Variants in MTUS1 observed in about 807,000 individuals in gnomAD.
MTUS1 encodes the protein microtubule-associated tumor suppressor 1.
In MTUS1, 109 loss-of-function variants were observed where a neutral mutation model predicts 120.8. The ratio of observed to expected loss-of-function variants is 0.90; its 90% confidence interval spans 0.77 to 1.06. MTUS1 has a LOEUF of 1.06. Among genes scored for constraint, MTUS1 ranks in the 50% least tolerant of loss-of-function variants. The pLI is 0.00. For missense variants in MTUS1, 2,210 were observed against 1,486.3 expected, an observed-to-expected ratio of 1.49 and a Z score of -8.01; for synonymous variants, 737 against 550.5, an observed-to-expected ratio of 1.34 and a Z score of -4.74.
intron 4 of MTUS1, chr8:17,716,701 C>T (rs964890568): frequency 1.3e-5 from 2 of 152,398 alleles, no homozygotes; most frequent in Admixed American, 6.5e-5. Context: ...ACTACAGGCG[C>T]CCGCGGCCAC....
chr8:17,656,033 T>C lies in MTUS1; in HGVS notation c.2938A>G (p.Lys980Glu), dbSNP rs751716572. The change falls in exon 9 of 15, where the codon AAA (lysine) becomes GAA (glutamate). Residue 980 changes from lysine (K) to glutamate (E), a missense_variant. Transcript: ENST00000693296. ...ACTGTTTGTAACTCATTCCTGGCTT[T>C]TTCTAATTTCTCACAGGTGGTTGAA... Reference protein sequence around the residue: ...TASTTCEKLEKARNELQTVYE... With the variant: ...TASTTCEKLEEARNELQTVYE... 1 of 1,614,246 alleles carries C rather than the reference T, an allele frequency of 6.2e-7. No individual in the cohort carries two copies. Among genetic ancestry groups the C allele is most frequent in the South Asian group, 1.1e-5 (1 of 91,086 alleles).
At chr8:17,715,997 A>G (rs575865159) in intron 4 of MTUS1, 96 bp from the exon 5 acceptor site, 5 of 1,115,522 alleles carry the variant, frequency 4.5e-6, no homozygotes, top group South Asian at 4.5e-5. Context: ...CAAATGCTCA[A>G]TAAGCACCTA....
At chr8:17,682,569 C>A (rs1452709909) in intron 7 of MTUS1, among the ~76,000 whole-genome samples, 2 of 149,780 alleles carry the variant, frequency 1.3e-5, no homozygotes, top group Non-Finnish European at 3.0e-5. Context: ...GGAAGCTATC[C>A]AGGGTCTGAG....
At chr8:17,696,025 T>C (rs1320974337) in intron 6 of MTUS1, among the ~76,000 whole-genome samples, 1 of 152,196 alleles carries the variant, frequency 6.6e-6, no homozygotes, top group East Asian at 1.9e-4. Flanking sequence ...AAAAGCTATT[T>C]GGAGCTACTT....
intron 6 of MTUS1, among the ~76,000 whole-genome samples, chr8:17,712,505 T>G (rs138010257): frequency 0.033 from 5,008 of 152,124 alleles, 272 homozygotes; most frequent in African/African-American, 0.11. Flanking sequence ...TCCGGCAAAC[T>G]TTTTTGTATT....
chr8:17,749,794 G>A (rs891582096), intron 2 of MTUS1, among the ~76,000 whole-genome samples: 2 of 151,984 alleles, frequency 1.3e-5, no homozygotes, highest in African/African-American at 2.4e-5. Flanking sequence ...ACTGATTGAC[G>A]TCTTATGTCT....
chr8:17,661,986 T>C (rs562716402), intron 8 of MTUS1, among the ~76,000 whole-genome samples: 31 of 152,304 alleles, frequency 2.0e-4, no homozygotes, highest in African/African-American at 7.2e-4. Context: ...TTTTAAAGGA[T>C]GCACATGTAA....
intron 3 of MTUS1, among the ~76,000 whole-genome samples, chr8:17,725,356 T>G (rs896040716): frequency 6.6e-6 from 1 of 152,148 alleles, no homozygotes; most frequent in African/African-American, 2.4e-5. Flanking sequence ...GGCCTGGCAT[T>G]TGAAATTACC....
At chr8:17,740,123 G>T (rs557712017) in intron 3 of MTUS1, among the ~76,000 whole-genome samples, 10 of 151,880 alleles carry the variant, frequency 6.6e-5, no homozygotes, top group Admixed American at 2.6e-4. Context: ...CAGCAGAATC[G>T]CTTGAACCCA....
intron 4 of MTUS1, among the ~76,000 whole-genome samples, chr8:17,722,806 A>C (rs144995291): frequency 8.5e-5 from 13 of 152,264 alleles, no homozygotes; most frequent in African/African-American, 2.4e-4. Context: ...GACATCCTAA[A>C]GTACTGCTCC....
In MTUS1 at chr8:17,645,358, T is replaced by A. The variant is rs1391902033; in HGVS notation, c.*568A>T. ...GATCATAATTCAAGCAACTATTGCT[T>A]TTTCTTCTATGGCTTTGGCTGAAAT... On this transcript the variant is annotated 3_prime_UTR_variant, in exon 15 of 15. Transcript: ENST00000693296. 2.6e-5 allele frequency: 4 copies of A among 152,740 alleles called. No homozygotes were observed. The highest frequency in any genetic ancestry group is 9.6e-5 in the African/African-American group (4 of 41,452). 9.5% of individuals were successfully genotyped at this position (152,740 alleles called of 1,614,324 possible).
At chr8:17,787,852 T>C (rs984765295) in intron 1 of MTUS1, among the ~76,000 whole-genome samples, 4 of 152,244 alleles carry the variant, frequency 2.6e-5, no homozygotes, top group Admixed American at 2.6e-4. Flanking sequence ...CTGGGCACAG[T>C]GGCTCACACT....
chr8:17,697,113 T>A, intron 6 of MTUS1: 1 of 1,065,138 alleles, frequency 9.4e-7, no homozygotes, highest in Non-Finnish European at 1.3e-6. Context: ...CAGAAAACAA[T>A]TTTTAAATTA....
chr8:17,723,774 G>A lies in MTUS1; in HGVS notation c.2347C>T (p.Pro783Ser). ...SSWVNLPRPLPKSKASLKSPA... is the reference protein window; with the variant it reads ...SSWVNLPRPLSKSKASLKSPA... The stretch of plus-strand genomic sequence containing the variant: ...CTTTTCAAAGATGCTTTGGATTTAG[G>A]AAGTGGTCTAGGCAAATTCACCCAT... The change falls in exon 4 of 15, where the codon CCT becomes TCT. Residue 783 changes from proline to serine, a missense_variant. Pro to Ser is a moderately conservative substitution (Grantham distance 74). Transcript: ENST00000693296. 1.2e-6 allele frequency: 2 copies of A among 1,610,182 alleles called. No homozygotes were observed. The highest frequency in any genetic ancestry group is 1.7e-6 in the Non-Finnish European group (2 of 1,177,432).
chr8:17,653,675 G>A (rs112270109), intron 10 of MTUS1, 177 bp from the exon 11 acceptor site: 6 of 551,856 alleles, frequency 1.1e-5, no homozygotes, highest in African/African-American at 2.0e-5. Context: ...CTTGAGAGGT[G>A]GTTAGGGTAG....
intron 2 of MTUS1, among the ~76,000 whole-genome samples, chr8:17,745,655 A>C (rs566815929): frequency 6.6e-6 from 1 of 152,324 alleles, no homozygotes; most frequent in African/African-American, 2.4e-5. Context: ...TCACAAGTTA[A>C]ATTCAAGCTA....
intron 1 of MTUS1, among the ~76,000 whole-genome samples, chr8:17,765,643 G>T (rs1305976733): frequency 7.7e-6 from 1 of 129,892 alleles, no homozygotes; most frequent in Non-Finnish European, 1.6e-5. Flanking sequence ...AAGACTAGCT[G>T]TCATCTATAC....
intron 1 of MTUS1, among the ~76,000 whole-genome samples, chr8:17,783,843 C>T (rs1355956900): frequency 1.3e-5 from 2 of 152,142 alleles, no homozygotes; most frequent in African/African-American, 2.4e-5. Flanking sequence ...CTGCTGTGGT[C>T]AACAAATACC....
At chr8:17,752,094 G>C (rs2131324609) in intron 2 of MTUS1, among the ~76,000 whole-genome samples, 1 of 152,212 alleles carries the variant, frequency 6.6e-6, no homozygotes, top group East Asian at 1.9e-4. Flanking sequence ...CACATCGGGA[G>C]CCTGAAAAAC....
Sources: allele counts gnomAD v4.1 joint callset (sites outside exome capture counted in the v4.1 genomes callset), GRCh38; gene constraint gnomAD v4.1.1; transcripts MANE v1.5; gene names NCBI Gene and HGNC (gene_info 2026-07-23, HGNC 2026-07-21).